Variants in THSD4 observed in about 807,000 individuals in gnomAD.
THSD4 encodes the protein thrombospondin type 1 domain containing 4.
A neutral mutation model predicts 119.0 loss-of-function variants in THSD4; 69 were observed. That is an observed-to-expected ratio of 0.58 (90% CI 0.48 to 0.71). The LOEUF (loss-of-function observed/expected upper bound fraction) is 0.71, where lower values mean the gene tolerates loss of function less well. THSD4 is among the 30% of genes least tolerant of loss of function. The probability of loss-of-function intolerance (pLI) is 0.00; values close to 1 mark genes in which losing one functional copy is unlikely to be tolerated. For missense variants in THSD4, 1,393 were observed against 1,391.1 expected (o/e 1.00, Z -0.02); for synonymous variants, 524 against 540.4 (o/e 0.97, Z 0.42).
At chr15:71,551,896 C>A (rs188991350) in intron 7 of THSD4, among the ~76,000 whole-genome samples, 1 of 152,140 alleles carries the variant, frequency 6.6e-6, no homozygotes, top group South Asian at 2.1e-4. Context: ...AGCAAGCCAC[C>A]CTTACCAGTT....
intron 3 of THSD4, among the ~76,000 whole-genome samples, chr15:71,193,447 A>G (rs2141442957): frequency 6.6e-6 from 1 of 152,256 alleles, no homozygotes; most frequent in South Asian, 2.1e-4. Flanking sequence ...AACTGTAATG[A>G]TACATGACTT....
chr15:71,761,546 A>G (rs1028692278), intron 15 of THSD4, among the ~76,000 whole-genome samples: 3 of 152,218 alleles, frequency 2.0e-5, no homozygotes, highest in Admixed American at 2.0e-4. Context: ...CTTTAAAAAT[A>G]TAGAATTCAT....
chr15:71,149,329 T>C (rs2141378298), intron 2 of THSD4, among the ~76,000 whole-genome samples: 1 of 152,230 alleles, frequency 6.6e-6, no homozygotes, highest in African/African-American at 2.4e-5. Context: ...CACTGCAAAC[T>C]CCACCTCCTG....
chr15:71,738,058 G>A (rs1420252227), intron 11 of THSD4, 51 bp downstream of exon 11: 6 of 1,600,702 alleles, frequency 3.7e-6, no homozygotes, highest in East Asian at 2.2e-5. Context: ...TAAGCAAGGA[G>A]TGTGTGGGTG....
At chr15:71,573,194 G>T (rs1031213709) in intron 7 of THSD4, among the ~76,000 whole-genome samples, 4 of 152,194 alleles carry the variant, frequency 2.6e-5, no homozygotes, top group African/African-American at 9.7e-5. Context: ...ATCATGACTT[G>T]TTTACTGCTC....
At chr15:71,117,724 A>G (rs1255197341) in intron 1 of THSD4, among the ~76,000 whole-genome samples, 1 of 152,020 alleles carries the variant, frequency 6.6e-6, no homozygotes, top group African/African-American at 2.4e-5. Flanking sequence ...TGAAATTCTG[A>G]TTTCACCACA....
At chr15:71,324,282 T>C (rs2045312751) in intron 6 of THSD4, among the ~76,000 whole-genome samples, 1 of 152,116 alleles carries the variant, frequency 6.6e-6, no homozygotes, top group Non-Finnish European at 1.5e-5. Flanking sequence ...TATTTCATTA[T>C]ATGAGTGTGC....
intron 7 of THSD4, among the ~76,000 whole-genome samples, chr15:71,520,824 A>G (rs1457238380): frequency 2.0e-5 from 3 of 152,196 alleles, no homozygotes; most frequent in African/African-American, 7.2e-5. Context: ...TTTAAACCTT[A>G]CAACCTGACA....
chr15:71,204,481 A>G (rs1033803834), intron 3 of THSD4, among the ~76,000 whole-genome samples: 1 of 152,146 alleles, frequency 6.6e-6, no homozygotes, highest in Non-Finnish European at 1.5e-5. Context: ...CGAATCAATA[A>G]GTGGCAAGAA....
chr15:71,276,259 C>G (rs2044589018), intron 6 of THSD4, among the ~76,000 whole-genome samples: 1 of 152,240 alleles, frequency 6.6e-6, no homozygotes, highest in Non-Finnish European at 1.5e-5. Flanking sequence ...CCCTTTGGAG[C>G]CATGTTGAGC....
chr15:71,629,980 T>C (rs2050591648), intron 7 of THSD4, among the ~76,000 whole-genome samples: 1 of 152,178 alleles, frequency 6.6e-6, no homozygotes, highest in Admixed American at 6.5e-5. Flanking sequence ...GAGGGGCCTC[T>C]GTCTCTCTTG....
chr15:71,313,494 G>C (rs2045141054), intron 6 of THSD4, among the ~76,000 whole-genome samples: 3 of 152,150 alleles, frequency 2.0e-5, no homozygotes, highest in Admixed American at 2.0e-4. Context: ...TGCTGAGGGA[G>C]GGTCGGGGGA....
chr15:71,599,757 A>G (rs992485221), intron 7 of THSD4, among the ~76,000 whole-genome samples: 1 of 152,188 alleles, frequency 6.6e-6, no homozygotes, highest in Non-Finnish European at 1.5e-5. Flanking sequence ...GTGGGCCAGG[A>G]GGAACGTGTG....
intron 11 of THSD4, among the ~76,000 whole-genome samples, chr15:71,739,876 A>G (rs1260572300): frequency 1.4e-5 from 2 of 139,518 alleles, no homozygotes; most frequent in African/African-American, 5.4e-5. Flanking sequence ...TGATACTGGT[A>G]TCTAAGAGTA....
At chr15:71,331,468 T>C (rs995516877) in intron 6 of THSD4, among the ~76,000 whole-genome samples, 3 of 152,228 alleles carry the variant, frequency 2.0e-5, no homozygotes, top group Non-Finnish European at 4.4e-5. Context: ...ATGAAATGAT[T>C]GTCTCCAAAC....
chr15:71,510,507 G>C (rs1472398112), intron 7 of THSD4, among the ~76,000 whole-genome samples: 1 of 152,196 alleles, frequency 6.6e-6, no homozygotes, highest in Non-Finnish European at 1.5e-5. Context: ...AAGATGGTGT[G>C]AGTGGGCTCT....
intron 8 of THSD4, among the ~76,000 whole-genome samples, chr15:71,680,564 T>C (rs549582988): frequency 6.6e-6 from 1 of 152,384 alleles, no homozygotes; most frequent in South Asian, 2.1e-4. Flanking sequence ...TAGGTCCTCC[T>C]TAACTTACAA....
At chr15:71,745,321 A>T in intron 12 of THSD4, 86 bp downstream of exon 12, 1 of 1,499,368 alleles carries the variant, frequency 6.7e-7, no homozygotes, top group Non-Finnish European at 9.0e-7. Context: ...GATATAAGTC[A>T]GTCTAAATCT....
intron 4 of THSD4, among the ~76,000 whole-genome samples, chr15:71,227,809 G>A (rs1320121338): frequency 6.6e-6 from 1 of 152,160 alleles, no homozygotes; most frequent in East Asian, 1.9e-4. Context: ...TACCCGCTGT[G>A]GTTGACCTGT....
Sources: allele counts gnomAD v4.1 joint callset (sites outside exome capture counted in the v4.1 genomes callset), GRCh38; gene constraint gnomAD v4.1.1; transcripts MANE v1.5; gene names NCBI Gene and HGNC (gene_info 2026-07-23, HGNC 2026-07-21).